CLDN16: variants seen among roughly 807,000 people sequenced by gnomAD.
The protein encoded by CLDN16 is claudin 16.
CLDN16 carries 13 observed loss-of-function variants against 24.6 expected under a neutral mutation model. The ratio of observed to expected loss-of-function variants is 0.53; its 90% CI spans 0.34 to 0.84. The LOEUF (loss-of-function observed/expected upper bound fraction) is 0.84, where lower values mean the gene tolerates loss of function less well. Among genes scored for constraint, CLDN16 ranks in the 40% least tolerant of loss-of-function variants. The probability of loss-of-function intolerance (pLI) is 0.01; values close to 1 mark genes in which losing one functional copy is unlikely to be tolerated. For synonymous variants in CLDN16, 116 were observed against 106.7 expected (o/e 1.09, Z -0.54); for missense variants, 298 against 292.7 (o/e 1.02, Z -0.13).
chr3:190,388,590 A>G, intron 1 of CLDN16, 147 bp downstream of exon 1: 1 of 753,178 alleles, frequency 1.3e-6, no homozygotes, highest in Non-Finnish European at 2.4e-6. Flanking sequence ...TCTTTACATT[A>G]TTAGCTCATT....
intron 1 of CLDN16, among the ~76,000 whole-genome samples, chr3:190,350,683 C>T (rs1417000433): frequency 2.0e-5 from 3 of 152,068 alleles, no homozygotes; most frequent in African/African-American, 7.2e-5. Flanking sequence ...TGGGCTCAGG[C>T]TACTGGCATT....
chr3:190,347,747 T>C lies in CLDN16; in HGVS notation n.122-23146T>C, dbSNP rs190854893. On this transcript the variant is annotated intron_variant and non_coding_transcript_variant, in intron 1 of 4. Coordinates refer to the CLDN16 transcript ENST00000468220. The stretch of plus-strand genomic sequence containing the variant: ...TCAATGATTGGTACAGATTACCTTC[T>C]TCAGTTTGGAGGATGAAAGTAGGTT... 3.0e-4 allele frequency among the ~76,000 whole-genome samples: 46 copies of C among 152,310 alleles called. No homozygotes were observed. In the East Asian group the frequency reaches 8.3e-3, roughly 28 times the overall value.
intron 1 of CLDN16, among the ~76,000 whole-genome samples, chr3:190,355,059 TA>T (rs886411134): frequency 4.6e-5 from 7 of 151,992 alleles, no homozygotes; most frequent in African/African-American, 1.4e-4. Flanking sequence ...GAAAAGTAAC[TA>T]AAAAATGTCT....
At chr3:190,308,272 C>T in the CLDN16 span, 1 of 1,613,758 alleles carries the variant, frequency 6.2e-7, no homozygotes, top group East Asian at 2.2e-5. Context: ...CCTTTTGCCT[C>T]TGTGTCACAC....
At chr3:190,301,445 A>C in the CLDN16 span, among the ~76,000 whole-genome samples, 1 of 151,988 alleles carries the variant, frequency 6.6e-6, no homozygotes, top group African/African-American at 2.4e-5. Context: ...CAGTGAGCCA[A>C]GATCGCACAC....
At chr3:190,386,013 G>C (rs1028667743), upstream of CLDN16, among the ~76,000 whole-genome samples, 1 of 152,144 alleles carries the variant, frequency 6.6e-6, no homozygotes, top group African/African-American at 2.4e-5. Flanking sequence ...TCAGGTTGAA[G>C]AACTACTGCC....
chr3:190,347,036 C>T (rs1046020728), intron 1 of CLDN16, among the ~76,000 whole-genome samples: 1 of 152,100 alleles, frequency 6.6e-6, no homozygotes, highest in Non-Finnish European at 1.5e-5. Flanking sequence ...TATCCTCATG[C>T]TGTAACTGTA....
intron 1 of CLDN16, among the ~76,000 whole-genome samples, chr3:190,344,664 C>T (rs1717513370): frequency 6.6e-6 from 1 of 151,320 alleles, no homozygotes; most frequent in Non-Finnish European, 1.5e-5. Context: ...TTTTCCTTGT[C>T]TTCCATAAAA....
intron 1 of CLDN16, among the ~76,000 whole-genome samples, chr3:190,363,495 C>T (rs1344855803): frequency 5.1e-5 from 7 of 138,106 alleles, no homozygotes; most frequent in African/African-American, 1.9e-4. Context: ...CATATTTCTG[C>T]TTCATTGACT....
intron 1 of CLDN16, among the ~76,000 whole-genome samples, chr3:190,352,901 C>T (rs549094639): frequency 6.6e-6 from 1 of 152,084 alleles, no homozygotes; most frequent in South Asian, 2.1e-4. Context: ...TTTCATATTT[C>T]CCTTTCCTCA....
chr3:190,329,321 C>G (rs1717134877), intron 1 of CLDN16, among the ~76,000 whole-genome samples: 1 of 152,032 alleles, frequency 6.6e-6, no homozygotes, highest in South Asian at 2.1e-4. Flanking sequence ...GAGCTAAGAG[C>G]CATGACAATT....
chr3:190,305,360 C>T, the CLDN16 span, among the ~76,000 whole-genome samples: 4 of 152,222 alleles, frequency 2.6e-5, no homozygotes, highest in Admixed American at 6.5e-5. Context: ...GTCTTTCACT[C>T]TTCCACCTTT....
At chr3:190,346,922 C>T (rs1331911479) in intron 1 of CLDN16, among the ~76,000 whole-genome samples, 1 of 152,154 alleles carries the variant, frequency 6.6e-6, no homozygotes, top group Non-Finnish European at 1.5e-5. Flanking sequence ...CCAGTATTAC[C>T]TTATTACTTC....
intron 1 of CLDN16, among the ~76,000 whole-genome samples, chr3:190,363,828 A>G (rs1025776973): frequency 6.6e-6 from 1 of 151,532 alleles, no homozygotes; most frequent in African/African-American, 2.4e-5. Context: ...ATTCATCCTC[A>G]TGTCTCTTTC....
At chr3:190,400,613 T>C (rs760180645) in intron 1 of CLDN16, among the ~76,000 whole-genome samples, 6 of 152,236 alleles carry the variant, frequency 3.9e-5, no homozygotes, top group African/African-American at 4.8e-5. Flanking sequence ...TCATTTAACA[T>C]TATTCAGTTC....
At chr3:190,356,043 T>C (rs1717764274) in intron 1 of CLDN16, among the ~76,000 whole-genome samples, 1 of 151,758 alleles carries the variant, frequency 6.6e-6, no homozygotes, top group Non-Finnish European at 1.5e-5. Context: ...ATTTAGTGAC[T>C]CTTAATTTCC....
intron 1 of CLDN16, among the ~76,000 whole-genome samples, chr3:190,361,682 A>G (rs1717889935): frequency 6.6e-6 from 1 of 151,954 alleles, no homozygotes; most frequent in Admixed American, 6.6e-5. Flanking sequence ...AGTCCTTGGC[A>G]GAGCTTCCCT....
At chr3:190,372,667 G>T (rs1331992269) in intron 2 of CLDN16, among the ~76,000 whole-genome samples, 1 of 151,834 alleles carries the variant, frequency 6.6e-6, no homozygotes, top group African/African-American at 2.4e-5. Flanking sequence ...ATACATAAAT[G>T]AGTTAAACAA....
At chr3:190,402,719 C>T (rs540351930) in intron 2 of CLDN16, among the ~76,000 whole-genome samples, 9 of 152,082 alleles carry the variant, frequency 5.9e-5, no homozygotes, top group African/African-American at 2.2e-4. Flanking sequence ...TCATACTCAG[C>T]AGGCTTACAG....
Sources: allele counts gnomAD v4.1 joint callset (sites outside exome capture counted in the v4.1 genomes callset), GRCh38; gene constraint gnomAD v4.1.1; transcripts MANE v1.5; gene names NCBI Gene and HGNC (gene_info 2026-07-23, HGNC 2026-07-21).